Variants in MIPOL1 observed in about 807,000 individuals in gnomAD.
The protein encoded by MIPOL1 is mirror-image polydactyly 1, also known as mirror-image polydactyly gene 1 protein.
MIPOL1 carries 57 observed loss-of-function variants against 60.9 expected under a neutral mutation model. The ratio of observed to expected loss-of-function variants is 0.94; its 90% CI spans 0.76 to 1.17. MIPOL1 has a LOEUF of 1.17. Ranked by LOEUF, MIPOL1 falls within the 50% of genes most tolerant of loss-of-function variation. The pLI is 0.00. For missense variants in MIPOL1, 551 were observed against 511.6 expected (o/e 1.08, Z -0.74); for synonymous variants, 179 against 168.8 (o/e 1.06, Z -0.47).
At chr14:37,415,258 T>C (rs1434706408) in intron 10 of MIPOL1, among the ~76,000 whole-genome samples, 2 of 152,078 alleles carry the variant, frequency 1.3e-5, no homozygotes, top group African/African-American at 4.8e-5. Context: ...ATATGAGTTA[T>C]GTTTAAAAAA....
Position 37,410,670 on chromosome 14 carries a change from A to G in MIPOL1, c.937-12185A>G, listed in dbSNP as rs1319416987. On this transcript the variant is annotated intron_variant, in intron 10 of 12. Coordinates refer to ENST00000684589, the MANE Select transcript of MIPOL1 (RefSeq NM_001388067.1). Reference sequence around the variant, plus strand: ...AACTATGTAAAAAGAATTAAAATACATTTTAAAAATAGCAAATAAATTAGG... The same window carrying G: ...AACTATGTAAAAAGAATTAAAATACGTTTTAAAAATAGCAAATAAATTAGG... 5.3e-5 allele frequency among the ~76,000 whole-genome samples: 8 copies of G among 152,174 alleles called. No homozygotes were observed. The South Asian group carries it at 1.7e-3, about 31-fold the overall frequency.
chr14:37,211,884 A>G (rs544478767), intron 1 of MIPOL1, among the ~76,000 whole-genome samples: 1 of 152,076 alleles, frequency 6.6e-6, no homozygotes, highest in Admixed American at 6.5e-5. Context: ...CAGCTCAGCC[A>G]CAGCAGAATA....
chr14:37,525,731 C>T (rs989105959), intron 12 of MIPOL1, among the ~76,000 whole-genome samples: 1 of 152,132 alleles, frequency 6.6e-6, no homozygotes, highest in Admixed American at 6.5e-5. Flanking sequence ...TTTGCTGCAA[C>T]AGGAGTGCAG....
intron 5 of MIPOL1, among the ~76,000 whole-genome samples, chr14:37,270,209 G>A (rs2083190506): frequency 6.6e-6 from 1 of 152,026 alleles, no homozygotes; most frequent in African/African-American, 2.4e-5. Context: ...TAAATTAAGT[G>A]TATATTGGGA....
intron 1 of MIPOL1, among the ~76,000 whole-genome samples, chr14:37,213,486 T>A (rs373824095): frequency 6.6e-6 from 1 of 152,054 alleles, no homozygotes; most frequent in Admixed American, 6.6e-5. Flanking sequence ...AAGTTAGTGA[T>A]CTTGAAGACA....
At chr14:37,248,527 A>C (rs1316235052) in intron 3 of MIPOL1, among the ~76,000 whole-genome samples, 1 of 152,096 alleles carries the variant, frequency 6.6e-6, no homozygotes, top group Admixed American at 6.6e-5. Context: ...GATACAGAGA[A>C]AGAGATGTAC....
In MIPOL1 at chr14:37,270,450, G is replaced by T. The variant is rs202031954; in HGVS notation, c.418G>T (p.Glu140Ter). The T allele has an allele frequency of 1.3e-6, 2 of 1,598,862 alleles. No individual in the cohort carries two copies. The highest frequency in any genetic ancestry group is 1.1e-5 in the South Asian group (1 of 88,796). ...LQQKLAKEDK[E>*]QRKLKFKLEL... ...GCAGAAATTGGCTAAAGAAGATAAA[G>T]AACAGAGAAAACTAAAGTTTAAGCT... The change falls in exon 6 of 13, where the codon GAA (glutamate) becomes TAA (stop). Residue 140 changes from glutamate to a stop codon, truncating the protein, a stop_gained. Coordinates refer to ENST00000684589, the MANE Select transcript of MIPOL1 (RefSeq NM_001388067.1). LOFTEE classifies it high-confidence loss of function.
intron 9 of MIPOL1, among the ~76,000 whole-genome samples, chr14:37,337,298 T>C (rs2090199461): frequency 7.0e-6 from 1 of 142,208 alleles, no homozygotes; most frequent in South Asian, 2.2e-4. Flanking sequence ...GTTGAATGCC[T>C]TTTCCTTTGC....
chr14:37,389,240 C>CA (rs1481465628), intron 10 of MIPOL1, among the ~76,000 whole-genome samples: 3 of 150,950 alleles, frequency 2.0e-5, no homozygotes, highest in Non-Finnish European at 4.4e-5. Flanking sequence ...TAAAAAAAAA[C>CA]AAAAAACAGA....
chr14:37,255,122 A>G (rs1974721193), intron 3 of MIPOL1, among the ~76,000 whole-genome samples: 1 of 151,876 alleles, frequency 6.6e-6, no homozygotes, highest in Admixed American at 6.6e-5. Flanking sequence ...CTTTCATGCC[A>G]GAACACCTCT....
At chr14:37,237,939 T>A (rs1971744256) in intron 1 of MIPOL1, among the ~76,000 whole-genome samples, 1 of 152,108 alleles carries the variant, frequency 6.6e-6, no homozygotes, top group African/African-American at 2.4e-5. Context: ...CTTTCTTCGT[T>A]TTGAGCTTGT....
chr14:37,412,057 T>G (rs2093689594), intron 10 of MIPOL1, among the ~76,000 whole-genome samples: 1 of 152,146 alleles, frequency 6.6e-6, no homozygotes, highest in African/African-American at 2.4e-5. Flanking sequence ...CTTAACTTGT[T>G]CAGTCATAGA....
intron 1 of MIPOL1, among the ~76,000 whole-genome samples, chr14:37,231,897 T>C (rs1970692169): frequency 1.3e-5 from 2 of 151,502 alleles, no homozygotes; most frequent in South Asian, 2.1e-4. Context: ...CTGGGCAACA[T>C]AGGGAGATCG....
At chr14:37,361,982 C>T (rs1026922559) in intron 9 of MIPOL1, among the ~76,000 whole-genome samples, 4 of 151,976 alleles carry the variant, frequency 2.6e-5, no homozygotes, top group Admixed American at 6.6e-5. Flanking sequence ...TTCCTCCTTC[C>T]CTTTGTTTTG....
At chr14:37,451,940 G>A (rs1438324048) in intron 11 of MIPOL1, among the ~76,000 whole-genome samples, 2 of 148,206 alleles carry the variant, frequency 1.3e-5, no homozygotes, top group African/African-American at 2.5e-5. Context: ...TCAGCCTCCC[G>A]AGTAGCTGGG....
chr14:37,551,079 T>C lies in MIPOL1; in HGVS notation c.*4108T>C, dbSNP rs1331672019. The C allele has an allele frequency of 6.6e-6, 1 of 152,138 alleles. No homozygotes were observed. The highest frequency in any genetic ancestry group is 1.9e-4 in the East Asian group (1 of 5,198). The allele number at this position is 152,138 out of a possible 1,614,324, so 9.4% of individuals were successfully genotyped here. Reference sequence around the variant, plus strand: ...TGATATTCCTTTGCAGAAGTCTTAATATGCATAATTTTTAATCTAATTGTC... The same window carrying C: ...TGATATTCCTTTGCAGAAGTCTTAACATGCATAATTTTTAATCTAATTGTC... On this transcript the variant is annotated 3_prime_UTR_variant, in exon 13 of 13. Coordinates refer to ENST00000684589, the MANE Select transcript of MIPOL1 (RefSeq NM_001388067.1).
chr14:37,319,472 G>C (rs1276821825), intron 9 of MIPOL1, among the ~76,000 whole-genome samples: 1 of 152,090 alleles, frequency 6.6e-6, no homozygotes, highest in African/African-American at 2.4e-5. Flanking sequence ...TGATAATGCA[G>C]AAAGTGCTAC....
chr14:37,234,475 GC>G (rs2153324413), intron 1 of MIPOL1, among the ~76,000 whole-genome samples: 1 of 151,414 alleles, frequency 6.6e-6, no homozygotes, highest in African/African-American at 2.4e-5. Flanking sequence ...ACAGGCATGA[GC>G]CACCATGCTT....
intron 1 of MIPOL1, among the ~76,000 whole-genome samples, chr14:37,233,581 A>C (rs892267222): frequency 4.6e-5 from 7 of 152,156 alleles, no homozygotes; most frequent in Non-Finnish European, 1.0e-4. Context: ...ACGAAAAATG[A>C]ATGCCTTTTA....
Sources: gnomAD v4.1 joint callset for allele counts (sites outside exome capture counted in the v4.1 genomes callset) on GRCh38, gnomAD v4.1.1 for gene constraint, MANE v1.5 for transcripts, NCBI Gene and HGNC (gene_info 2026-07-23, HGNC 2026-07-21) for gene names.